Variants in ACBD3 observed in about 807,000 individuals in gnomAD.
ACBD3 encodes the protein Golgi resident protein GCP60.
A neutral mutation model predicts 66.9 loss-of-function variants in ACBD3; 30 were observed. The ratio of observed to expected loss-of-function variants is 0.45; its 90% CI spans 0.34 to 0.61. The LOEUF (loss-of-function observed/expected upper bound fraction) is 0.61, where lower values mean the gene tolerates loss of function less well. ACBD3 is among the 20% of genes least tolerant of loss of function. The probability of loss-of-function intolerance (pLI) is 0.02; values close to 1 mark genes in which losing one functional copy is unlikely to be tolerated. For missense variants in ACBD3, 544 were observed against 664.5 expected (o/e 0.82, Z 1.99); for synonymous variants, 278 against 259.8 (o/e 1.07, Z -0.68).
chr1:226,157,293 G>A (rs1375345194), intron 5 of ACBD3, among the ~76,000 whole-genome samples: 1 of 148,740 alleles, frequency 6.7e-6, no homozygotes, highest in African/African-American at 2.5e-5. Flanking sequence ...AGGCTGGAGT[G>A]CAATGGCACA....
intron 7 of ACBD3, among the ~76,000 whole-genome samples, chr1:226,151,476 C>G (rs887932427): frequency 6.6e-6 from 1 of 152,194 alleles, no homozygotes; most frequent in Non-Finnish European, 1.5e-5. Flanking sequence ...ATATTTTAGA[C>G]TGTCCTTTAA....
chr1:226,178,926 C>T (rs781030559), intron 1 of ACBD3, among the ~76,000 whole-genome samples: 2 of 152,188 alleles, frequency 1.3e-5, no homozygotes, highest in African/African-American at 2.4e-5. Context: ...GGTGGTATCT[C>T]TCAACTCCAT....
rs16845655 is a variant in ACBD3, at chr1:226,170,625, T to C, written c.287-4625A>G. On this transcript the variant is annotated intron_variant, in intron 1 of 7. Transcript: ENST00000366812. ...CGAACATACACACACACAAAATTTT[T>C]TTTTGCTGCAGGAAGATGATTTGAA... Among the ~76,000 whole-genome samples the C allele has an allele frequency of 4.1e-3, 630 of 152,238 alleles. 19 individuals are homozygous for C. The highest frequency in any genetic ancestry group is 0.037 in the East Asian group (194 of 5,190).
intron 7 of ACBD3, among the ~76,000 whole-genome samples, chr1:226,149,996 T>C (rs184021362): frequency 1.3e-5 from 2 of 152,064 alleles, no homozygotes; most frequent in East Asian, 1.9e-4. Flanking sequence ...GAGAAAACAG[T>C]AGTGCCCCCT....
At chr1:226,160,177 C>T (rs1659745641) in intron 4 of ACBD3, among the ~76,000 whole-genome samples, 1 of 151,754 alleles carries the variant, frequency 6.6e-6, no homozygotes, top group Non-Finnish European at 1.5e-5. Context: ...CTGCAACCTC[C>T]ACTTCCTAGG....
At position 226,145,932 on chromosome 1, in the gene ACBD3, GAAGAA is replaced by G. The variant is rs1367181593; in HGVS notation, c.*673_*677del. 1.3e-5 allele frequency: 2 copies of G among 152,470 alleles called. No homozygotes were observed. The highest frequency in any genetic ancestry group is 2.9e-5 in the Non-Finnish European group (2 of 68,034). 9.4% of individuals were successfully genotyped at this position (152,470 alleles called of 1,614,324 possible). A position where few individuals can be genotyped will look rare whatever the true frequency, so the allele number is the denominator to read the frequency against. On this transcript the variant is annotated 3_prime_UTR_variant, in exon 8 of 8. Coordinates refer to ENST00000366812, the MANE Select transcript of ACBD3 (RefSeq NM_022735.4). Reference sequence around the variant, plus strand: ...GGATTCAAAGTTTGTGGAAGTTCCTGAAGAAAAATCTCTGAGGTGTTCTACGTATC... The same window carrying G: ...GGATTCAAAGTTTGTGGAAGTTCCTGAAATCTCTGAGGTGTTCTACGTATC...
intron 1 of ACBD3, among the ~76,000 whole-genome samples, chr1:226,180,444 G>C (rs909358188): frequency 2.0e-5 from 3 of 152,076 alleles, no homozygotes; most frequent in African/African-American, 7.2e-5. Context: ...GTACAGGAAA[G>C]CACAAAAAGT....
rs76793232 is a variant in ACBD3, at chr1:226,153,508, G to A, written c.1091-889C>T. ...TCCCTTCCTCTGGGAAGCCTCTGGT[G>A]GCCTCTCTGACTAGGTCACACTTCC... On this transcript the variant is annotated intron_variant, in intron 6 of 7. Coordinates refer to ENST00000366812, the MANE Select transcript of ACBD3 (RefSeq NM_022735.4). Among the ~76,000 whole-genome samples the A allele has an allele frequency of 9.6e-3, 1,457 of 152,186 alleles. 43 individuals are homozygous for A. Among genetic ancestry groups the A allele is most frequent in the East Asian group, 0.095 (491 of 5,162 alleles).
intron 3 of ACBD3, among the ~76,000 whole-genome samples, chr1:226,163,400 A>G (rs1206773902): frequency 6.6e-6 from 1 of 152,194 alleles, no homozygotes. Context: ...TACCTGATTG[A>G]TCCAACATCA....
At chr1:226,173,906 G>A (rs1170570884) in intron 1 of ACBD3, among the ~76,000 whole-genome samples, 1 of 151,572 alleles carries the variant, frequency 6.6e-6, no homozygotes, top group Non-Finnish European at 1.5e-5. Flanking sequence ...GATTACAGAA[G>A]TGTGCACTAC....
intron 1 of ACBD3, among the ~76,000 whole-genome samples, chr1:226,183,170 T>C (rs1656207718): frequency 6.6e-6 from 1 of 152,062 alleles, no homozygotes; most frequent in Non-Finnish European, 1.5e-5. Context: ...TGTAATGTTC[T>C]TTCCTTTATT....
At chr1:226,169,531 G>A (rs775077376) in intron 1 of ACBD3, among the ~76,000 whole-genome samples, 3 of 144,964 alleles carry the variant, frequency 2.1e-5, no homozygotes, top group Non-Finnish European at 4.5e-5. Flanking sequence ...TTACAGGCAT[G>A]AGCCACCGCG....
At position 226,186,680 on chromosome 1, in the gene ACBD3, G is replaced by A. The variant is rs751018413; in HGVS notation, c.-5C>T. On this transcript the variant is annotated 5_prime_UTR_variant, in exon 1 of 8. Transcript: ENST00000366812. The stretch of plus-strand genomic sequence containing the variant: ...TGCGTTCAGCACCGCCGCCATCTCC[G>A]GCTGCTGCACCTCCTCAGCGGGGAC... The A allele has an allele frequency of 1.2e-5, 18 of 1,494,474 alleles. No individual in the cohort carries two copies. The highest frequency in any genetic ancestry group is 1.5e-5 in the Non-Finnish European group (17 of 1,127,252). 92.6% of individuals were successfully genotyped at this position (1,494,474 alleles called of 1,614,324 possible).
intron 1 of ACBD3, among the ~76,000 whole-genome samples, chr1:226,183,492 T>C (rs1320422514): frequency 1.3e-5 from 2 of 151,528 alleles, no homozygotes; most frequent in Admixed American, 6.6e-5. Flanking sequence ...GAAAATGTAA[T>C]GTTATTTCTA....
In ACBD3 at chr1:226,161,664, G is replaced by A. The variant is rs372509123; in HGVS notation, c.595C>T (p.Arg199Cys). ...AGACGTTCTCTTTCTTCCTCTTCAC[G>A]CCGCCTTCGCTCCTCTTCCTCCTTC... ...KRKEEEERRR[R>C]EEEERERLQK... The change falls in exon 4 of 8, where the codon CGT becomes TGT. Residue 199 changes from arginine (R) to cysteine (C), a missense_variant. Transcript: ENST00000366812. 5.1e-5 allele frequency: 81 copies of A among 1,603,018 alleles called. No individual in the cohort carries two copies. Among genetic ancestry groups the A allele is most frequent in the Middle Eastern group, 3.3e-4 (2 of 6,072 alleles).
intron 1 of ACBD3, among the ~76,000 whole-genome samples, chr1:226,185,257 T>G (rs1474988271): frequency 6.6e-6 from 1 of 152,196 alleles, no homozygotes; most frequent in Non-Finnish European, 1.5e-5. Flanking sequence ...TCATTGAATG[T>G]GAAATGATCA....
intron 7 of ACBD3, among the ~76,000 whole-genome samples, chr1:226,147,353 G>T (rs2102771763): frequency 6.6e-6 from 1 of 152,274 alleles, no homozygotes; most frequent in South Asian, 2.1e-4. Flanking sequence ...TGAGCCCTGG[G>T]AGCCCAGTGA....
chr1:226,179,875 T>C (rs892482305), intron 1 of ACBD3, among the ~76,000 whole-genome samples: 2 of 147,084 alleles, frequency 1.4e-5, no homozygotes, highest in Admixed American at 6.8e-5. Flanking sequence ...AAACCAAATA[T>C]TAAAACTGAA....
chr1:226,167,629 G>C (rs1399601321), intron 1 of ACBD3, among the ~76,000 whole-genome samples: 1 of 152,164 alleles, frequency 6.6e-6, no homozygotes, highest in Non-Finnish European at 1.5e-5. Flanking sequence ...ACTACTGGTT[G>C]ATTCCAATGA....
Sources: allele counts gnomAD v4.1 joint callset (sites outside exome capture counted in the v4.1 genomes callset), GRCh38; gene constraint gnomAD v4.1.1; transcripts MANE v1.5; gene names NCBI Gene and HGNC (gene_info 2026-07-23, HGNC 2026-07-21).